Variants in ATR observed in about 807,000 individuals in gnomAD.
The protein encoded by ATR is serine/threonine-protein kinase ATR.
A neutral mutation model predicts 305.3 loss-of-function variants in ATR; 142 were observed. That is an observed-to-expected ratio of 0.47 (90% confidence interval 0.41 to 0.53). The LOEUF is 0.53. ATR is among the 20% of genes least tolerant of loss of function. The probability of loss-of-function intolerance (pLI) is 0.00; values close to 1 mark genes in which losing one functional copy is unlikely to be tolerated. For synonymous variants in ATR, 1,050 were observed against 1,068.1 expected (o/e 0.98, Z 0.33); for missense variants, 2,135 against 3,133.1 (o/e 0.68, Z 7.60).
chr3:142,480,281 CTGTT>C (rs1228633477), intron 36 of ATR, among the ~76,000 whole-genome samples: 1 of 152,140 alleles, frequency 6.6e-6, no homozygotes, highest in Non-Finnish European at 1.5e-5. Context: ...GATGCCCTTT[CTGTT>C]TGTTAGTTTT....
At chr3:142,572,497 G>A (rs1157065053) in intron 1 of ATR, among the ~76,000 whole-genome samples, 6 of 151,250 alleles carry the variant, frequency 4.0e-5, no homozygotes, top group Admixed American at 4.0e-4. Context: ...TACTGGTCGG[G>A]CATGGTAGCT....
intron 2 of ATR, 106 bp from the exon 3 acceptor site, chr3:142,566,367 C>T: frequency 7.8e-7 from 1 of 1,285,422 alleles, no homozygotes; most frequent in Admixed American, 1.9e-5. Context: ...TCCTGTAACC[C>T]CTGTACTTTG....
At chr3:142,478,750 T>C (rs1456415913) in intron 36 of ATR, among the ~76,000 whole-genome samples, 2 of 152,224 alleles carry the variant, frequency 1.3e-5, no homozygotes, top group African/African-American at 4.8e-5. Flanking sequence ...TCTCTTGGAC[T>C]TGCTTTATGA....
Position 142,466,519 on chromosome 3 carries a change from AC to A in ATR, c.6701del (p.Ser2234IlefsTer4). 6.2e-7 allele frequency: 1 copy of A among 1,613,506 alleles called. No individual in the cohort carries two copies. The highest frequency in any genetic ancestry group is 8.5e-7 in the Non-Finnish European group (1 of 1,179,674). ...AATGAGTGCTCATGCTTAATGTGGA[AC>A]TACTTCCATCAACCTGAAAAAATAA... Reference protein sequence around the residue: ...ELCNKPVDGSSSTLSMSTHFK... With the variant: ...ELCNKPVDGSXSTLSMSTHFK... On this transcript the variant is annotated frameshift_variant, in exon 40 of 47. Transcript: ENST00000350721. LOFTEE classifies it high-confidence loss of function.
At chr3:142,568,419 C>T (rs1418929013) in intron 1 of ATR, among the ~76,000 whole-genome samples, 1 of 152,250 alleles carries the variant, frequency 6.6e-6, no homozygotes, top group Non-Finnish European at 1.5e-5. Context: ...CTACAAGTAA[C>T]TAGGGAGAAC....
rs1577496774 is a variant in ATR at position 142,459,063 on chromosome 3, C to A, written c.7398G>T (p.Met2466Ile). The change falls in exon 44 of 47, where the codon ATG (methionine) becomes ATT (isoleucine). Residue 2466 changes from methionine to isoleucine, a missense_variant. By Grantham distance (10) the Met-to-Ile change is conservative. This residue lies in a region of ATR where 462 missense variants were observed against 887.6 expected (regional missense o/e 0.52). Coordinates refer to ENST00000350721, the MANE Select transcript of ATR (RefSeq NM_001184.4). The stretch of plus-strand genomic sequence containing the variant: ...CTCCAAGCCCCAGAATATAACCAAC[C>A]ATTGACATTACTGCAGTGGAACGGC... Reference protein sequence around the residue: ...AYCRSTAVMSMVGYILGLGDR... With the variant: ...AYCRSTAVMSIVGYILGLGDR... The A allele has an allele frequency of 6.2e-7, 1 of 1,614,018 alleles. No homozygotes were observed. The highest frequency in any genetic ancestry group is 1.1e-5 in the South Asian group (1 of 91,074).
intron 1 of ATR, among the ~76,000 whole-genome samples, chr3:142,575,551 T>C (rs1355404093): frequency 1.3e-5 from 2 of 151,996 alleles, no homozygotes; most frequent in Admixed American, 1.3e-4. Flanking sequence ...CGTGACTAGC[T>C]TCTTTACACC....
chr3:142,564,038 A>T (rs2034975586), intron 3 of ATR, among the ~76,000 whole-genome samples: 1 of 152,200 alleles, frequency 6.6e-6, no homozygotes, highest in Non-Finnish European at 1.5e-5. Context: ...GGCCCTCAAC[A>T]TCAAGGCAAG....
intron 21 of ATR, among the ~76,000 whole-genome samples, chr3:142,534,532 C>T (rs923128410): frequency 5.9e-5 from 9 of 151,940 alleles, no homozygotes; most frequent in Non-Finnish European, 1.0e-4. Context: ...TGAGTAATTC[C>T]GTTAAATTTT....
At chr3:142,480,023 T>C (rs1200762423) in intron 36 of ATR, among the ~76,000 whole-genome samples, 1 of 152,216 alleles carries the variant, frequency 6.6e-6, no homozygotes, top group Non-Finnish European at 1.5e-5. Flanking sequence ...TTCTTTGCCA[T>C]GGGTTCCAAC....
rs1438570568 is a variant in ATR at position 142,473,191 on chromosome 3, C to T, written c.6222-3008G>A. Among the ~76,000 whole-genome samples, 3 of 152,094 alleles carry T rather than the reference C, an allele frequency of 2.0e-5. No homozygotes were observed. The East Asian group carries it at 5.8e-4, about 29-fold the overall frequency. Reference sequence around the variant, plus strand: ...TATTGCCCAAACCAATGCCATGAACCTTTTCCTCTATGTTTTCTTCTAGTA... The same window carrying T: ...TATTGCCCAAACCAATGCCATGAACTTTTTCCTCTATGTTTTCTTCTAGTA... On this transcript the variant is annotated intron_variant, in intron 36 of 46. Coordinates refer to ENST00000350721, the MANE Select transcript of ATR (RefSeq NM_001184.4).
chr3:142,457,865 A>G, intron 44 of ATR, 110 bp from the exon 45 acceptor site: 1 of 1,199,532 alleles, frequency 8.3e-7, no homozygotes, highest in South Asian at 1.4e-5. Flanking sequence ...ATACCCTCAA[A>G]ATATTTATGT....
At chr3:142,557,831 C>A in intron 8 of ATR, among the ~76,000 whole-genome samples, 1 of 151,452 alleles carries the variant, frequency 6.6e-6, no homozygotes. Context: ...TGAGGTTTTG[C>A]CATGTTGGCC....
intron 46 of ATR, chr3:142,452,516 A>T: frequency 1.6e-6 from 1 of 640,894 alleles, no homozygotes; most frequent in Non-Finnish European, 1.9e-6. Context: ...TCTACTAAAA[A>T]TATAATAATT....
At position 142,503,306 on chromosome 3, in the gene ATR, T is replaced by C. The variant is rs963393116; in HGVS notation, c.5288+56A>G. ...ACATTAAATTACCCAATTCACTAAC[T>C]AAAAATTCTCCATTCAGATGCAATA... On this transcript the variant is annotated intron_variant, in intron 30 of 46. Transcript: ENST00000350721. 35 of 1,271,596 alleles carry C rather than the reference T, an allele frequency of 2.8e-5. 1 individual carries two copies. The Middle Eastern group carries it at 2.3e-3, about 82-fold the overall frequency. The allele number at this position is 1,271,596 out of a possible 1,614,324, so 78.8% of individuals were successfully genotyped here. A position where few individuals can be genotyped will look rare whatever the true frequency, so the allele number is the denominator to read the frequency against.
At chr3:142,533,134 TA>T (rs1004961865) in intron 21 of ATR, among the ~76,000 whole-genome samples, 177 of 147,230 alleles carry the variant, frequency 1.2e-3, no homozygotes, top group African/African-American at 3.4e-3. Context: ...CCCCATCTCT[TA>T]AAAAAAAAAA....
chr3:142,553,613 G>C (rs1299788081), intron 12 of ATR, 27 bp downstream of exon 12: 1 of 1,567,006 alleles, frequency 6.4e-7, no homozygotes. Context: ...AATAAATAAG[G>C]AAGAACACAA....
intron 17 of ATR, 56 bp downstream of exon 17, chr3:142,542,609 T>C: frequency 7.0e-7 from 1 of 1,429,066 alleles, no homozygotes; most frequent in Admixed American, 1.7e-5. Flanking sequence ...AGATGCAGAA[T>C]TTATCTATAT....
chr3:142,515,300 C>T (rs2032810017), intron 25 of ATR, 95 bp downstream of exon 25: 4 of 1,497,872 alleles, frequency 2.7e-6, no homozygotes, highest in Non-Finnish European at 3.7e-6. Context: ...AGCACAAATA[C>T]TTCAATGATT....
Sources: allele counts gnomAD v4.1 joint callset (sites outside exome capture counted in the v4.1 genomes callset), GRCh38; gene constraint gnomAD v4.1.1; regional missense constraint gnomAD v4.1.1; transcripts MANE v1.5; gene names NCBI Gene and HGNC (gene_info 2026-07-23, HGNC 2026-07-21).